The following FBXO8 variants were observed in gnomAD, a reference collection of about 807,000 sequenced individuals.
The protein encoded by FBXO8 is F-box protein 8, also known as F-box only protein 8.
A neutral mutation model predicts 33.4 loss-of-function variants in FBXO8; 15 were observed. The observed-to-expected ratio is 0.45, with a 90% CI of 0.30 to 0.69. The LOEUF (loss-of-function observed/expected upper bound fraction) is 0.69. FBXO8 is among the 30% of genes least tolerant of loss of function. FBXO8 has a pLI of 0.08. For missense variants in FBXO8, 274 were observed against 380.3 expected (o/e 0.72, Z 2.32); for synonymous variants, 132 against 131.5 (o/e 1.00, Z -0.02).
rs1204237226 is a variant in FBXO8, at chr4:174,251,600, T to C, written c.456+8099A>G. Reference sequence around the variant, plus strand: ...ATTAGATTAAAAAGAGATGGATACATACACACATACACACATGCATATCCA... The same window carrying C: ...ATTAGATTAAAAAGAGATGGATACACACACACATACACACATGCATATCCA... On this transcript the variant is annotated intron_variant, in intron 3 of 5. Transcript: ENST00000393674. The surrounding 1 kb of genome is among the most constrained non-coding windows in gnomAD (Gnocchi z 4.2). Among the ~76,000 whole-genome samples, 7 of 152,034 alleles carry C rather than the reference T, an allele frequency of 4.6e-5. No homozygotes were observed. The highest frequency in any genetic ancestry group is 7.4e-5 in the Non-Finnish European group (5 of 67,984).
In FBXO8 at chr4:174,259,164, ATAAT is replaced by A. The variant is rs201288284; in HGVS notation, c.456+531_456+534del. Among the ~76,000 whole-genome samples the A allele has an allele frequency of 0.012, 1,817 of 152,030 alleles. 19 individuals carry two copies. The highest frequency in any genetic ancestry group is 0.017 in the Non-Finnish European group (1,144 of 67,918). Reference sequence around the variant, plus strand: ...ACATGTTATGTTAAGAAAGAATTAAATAATTAATACAAAATTATTCAATTTTATA... The same window carrying A: ...ACATGTTATGTTAAGAAAGAATTAAATAATACAAAATTATTCAATTTTATA... On this transcript the variant is annotated intron_variant, in intron 3 of 5. Coordinates refer to ENST00000393674, the MANE Select transcript of FBXO8 (RefSeq NM_012180.3). This position sits in a 1 kb window ranked among gnomAD's most constrained non-coding sequence, Gnocchi z 4.3.
rs1736149142 is a variant in FBXO8, at chr4:174,245,996, A to G, written c.457-4778T>C. 6.6e-6 allele frequency among the ~76,000 whole-genome samples: 1 copy of G among 151,994 alleles called. No homozygotes were observed. On this transcript the variant is annotated intron_variant, in intron 3 of 5. Coordinates refer to ENST00000393674, the MANE Select transcript of FBXO8 (RefSeq NM_012180.3). This position sits in a 1 kb window ranked among gnomAD's most constrained non-coding sequence, Gnocchi z 4.6. ...TGTTGAATTTTAGGTGATGACAGAT[A>G]TAACTAGAAAGGCATAGTAGGCAGT...
chr4:174,238,759 G>GTA (rs34800396), intron 5 of FBXO8, among the ~76,000 whole-genome samples: 4,608 of 113,674 alleles, frequency 0.041, 83 homozygotes, highest in Non-Finnish European at 0.049. Flanking sequence ...ACATAGCCAT[G>GTA]TATATATATA....
intron 4 of FBXO8, among the ~76,000 whole-genome samples, chr4:174,240,381 C>T (rs1227205150): frequency 6.6e-6 from 1 of 151,688 alleles, no homozygotes; most frequent in Admixed American, 6.6e-5. Context: ...TTGAAAAATA[C>T]TGATATATAC....
In FBXO8 at chr4:174,254,767, T is replaced by C. The variant is rs991262519; in HGVS notation, c.456+4932A>G. Among the ~76,000 whole-genome samples, 2 of 152,128 alleles carry C rather than the reference T, an allele frequency of 1.3e-5. No homozygotes were observed. Among genetic ancestry groups the C allele is most frequent in the Non-Finnish European group, 2.9e-5 (2 of 68,000 alleles). On this transcript the variant is annotated intron_variant, in intron 3 of 5. Transcript: ENST00000393674. The surrounding 1 kb of genome is among the most constrained non-coding windows in gnomAD (Gnocchi z 4.2). ...TGTTTGTTTGTTTTGTAGTAAGTAC[T>C]ATCAGACCAAAGGAAAGAAAACAAT...
chr4:174,250,762 T>C (rs995216423), intron 3 of FBXO8, among the ~76,000 whole-genome samples: 1 of 152,124 alleles, frequency 6.6e-6, no homozygotes, highest in Non-Finnish European at 1.5e-5. Context: ...TGAGGAAATA[T>C]TATCCTTTGG....
In FBXO8 at chr4:174,267,377, T is replaced by C. The variant is rs1205697876; in HGVS notation, c.-8-4277A>G. Among the ~76,000 whole-genome samples the C allele has an allele frequency of 6.6e-6, 1 of 151,926 alleles. No individual in the cohort carries two copies. The highest frequency in any genetic ancestry group is 1.5e-5 in the Non-Finnish European group (1 of 67,966). ...CCAGACTGGGCAACATAGACCCCGTTTCAACAAAATACAAAAAAAGTTAGC... is the reference window on the plus strand; with the variant it reads ...CCAGACTGGGCAACATAGACCCCGTCTCAACAAAATACAAAAAAAGTTAGC... On this transcript the variant is annotated intron_variant, in intron 1 of 5. Coordinates refer to ENST00000393674, the MANE Select transcript of FBXO8 (RefSeq NM_012180.3). The surrounding 1 kb of genome is among the most constrained non-coding windows in gnomAD (Gnocchi z 4.7).
intron 1 of FBXO8, among the ~76,000 whole-genome samples, chr4:174,273,531 C>T (rs1341552280): frequency 6.6e-6 from 1 of 151,974 alleles, no homozygotes; most frequent in Non-Finnish European, 1.5e-5. Context: ...GTTAAATTTC[C>T]TAAACTTGAT....
rs1736804303 is a variant in FBXO8 at position 174,270,178 on chromosome 4, CTATTT to C, written c.-8-7083_-8-7079del. On this transcript the variant is annotated intron_variant, in intron 1 of 5. Transcript: ENST00000393674. This position sits in a 1 kb window ranked among gnomAD's most constrained non-coding sequence, Gnocchi z 4.6. ...ACATGCCACATTAGCCGAGACAGAGCTATTTTATTAAATTAATCTCATGTATAAGA... is the reference window on the plus strand; with the variant it reads ...ACATGCCACATTAGCCGAGACAGAGCTATTAAATTAATCTCATGTATAAGA... 6.6e-6 allele frequency among the ~76,000 whole-genome samples: 1 copy of C among 152,108 alleles called. No homozygotes were observed. Among genetic ancestry groups the C allele is most frequent in the African/African-American group, 2.4e-5 (1 of 41,410 alleles).
intron 1 of FBXO8, among the ~76,000 whole-genome samples, chr4:174,280,136 A>G (rs1004576358): frequency 6.6e-6 from 1 of 152,154 alleles, no homozygotes; most frequent in Non-Finnish European, 1.5e-5. Flanking sequence ...TAACTCCTTT[A>G]ACTCAACAAT....
chr4:174,282,796 A>G (rs1475024994), intron 1 of FBXO8, among the ~76,000 whole-genome samples: 2 of 152,186 alleles, frequency 1.3e-5, no homozygotes, highest in African/African-American at 4.8e-5. Flanking sequence ...ACAGAACCTA[A>G]AAATAAAACT....
At position 174,274,869 on chromosome 4, in the gene FBXO8, G is replaced by A. The variant is rs983162162; in HGVS notation, c.-9+8541C>T. Among the ~76,000 whole-genome samples the A allele has an allele frequency of 6.6e-6, 1 of 152,068 alleles. No individual in the cohort carries two copies. The highest frequency in any genetic ancestry group is 1.5e-5 in the Non-Finnish European group (1 of 68,014). On this transcript the variant is annotated intron_variant, in intron 1 of 5. Coordinates refer to ENST00000393674, the MANE Select transcript of FBXO8 (RefSeq NM_012180.3). This position sits in a 1 kb window ranked among gnomAD's most constrained non-coding sequence, Gnocchi z 4.0. ...AAAAATTTTAGAAAAATACATAGAAGGAAATCTTTGGGGTCTAAGGCTAGG... is the reference window on the plus strand; with the variant it reads ...AAAAATTTTAGAAAAATACATAGAAAGAAATCTTTGGGGTCTAAGGCTAGG...
At chr4:174,246,518 T>C (rs1736160049) in intron 3 of FBXO8, among the ~76,000 whole-genome samples, 3 of 152,000 alleles carry the variant, frequency 2.0e-5, no homozygotes, top group Non-Finnish European at 2.9e-5. Context: ...AAACTGAGTA[T>C]TGTCCACTCA....
At chr4:174,242,258 A>G (rs1185623824) in intron 3 of FBXO8, among the ~76,000 whole-genome samples, 1 of 151,610 alleles carries the variant, frequency 6.6e-6, no homozygotes, top group African/African-American at 2.4e-5. Flanking sequence ...ACACTTACAT[A>G]GTACTCAGAA....
In FBXO8 at chr4:174,257,666, T is replaced by C. The variant is rs2126431477; in HGVS notation, c.456+2033A>G. On this transcript the variant is annotated intron_variant, in intron 3 of 5. Coordinates refer to ENST00000393674, the MANE Select transcript of FBXO8 (RefSeq NM_012180.3). The surrounding 1 kb of genome is among the most constrained non-coding windows in gnomAD (Gnocchi z 4.3). ...GACTGATGCAAAATATATATCTTTA[T>C]TGTGACTATTATTAAGATCATTGAG... 6.6e-6 allele frequency among the ~76,000 whole-genome samples: 1 copy of C among 152,270 alleles called. No homozygotes were observed. The highest frequency in any genetic ancestry group is 2.1e-4 in the South Asian group (1 of 4,830).
rs892945546 is a variant in FBXO8, at chr4:174,267,047, T to A, written c.-8-3947A>T. ...TCTACACACAATTCACCTCCTTTAG[T>A]TATTTCATATTGTGACCATGTTTTT... On this transcript the variant is annotated intron_variant, in intron 1 of 5. Transcript: ENST00000393674. This position sits in a 1 kb window ranked among gnomAD's most constrained non-coding sequence, Gnocchi z 4.7. Among the ~76,000 whole-genome samples, 1 of 152,224 alleles carries A rather than the reference T, an allele frequency of 6.6e-6. No individual in the cohort carries two copies. The highest frequency in any genetic ancestry group is 2.4e-5 in the African/African-American group (1 of 41,470).
intron 3 of FBXO8, among the ~76,000 whole-genome samples, chr4:174,244,205 T>A (rs921699274): frequency 1.3e-5 from 2 of 151,614 alleles, no homozygotes; most frequent in Non-Finnish European, 3.0e-5. Flanking sequence ...CTTCCCAGAA[T>A]AATGCACATA....
intron 4 of FBXO8, among the ~76,000 whole-genome samples, chr4:174,240,314 C>T (rs1736003274): frequency 1.3e-5 from 2 of 151,604 alleles, no homozygotes; most frequent in African/African-American, 4.8e-5. Context: ...CTTAATCATC[C>T]GTGTGCTACT....
At position 174,254,194 on chromosome 4, in the gene FBXO8, C is replaced by G. The variant is rs1322188415; in HGVS notation, c.456+5505G>C. Among the ~76,000 whole-genome samples, 1 of 152,192 alleles carries G rather than the reference C, an allele frequency of 6.6e-6. No individual in the cohort carries two copies. The highest frequency in any genetic ancestry group is 1.5e-5 in the Non-Finnish European group (1 of 68,030). On this transcript the variant is annotated intron_variant, in intron 3 of 5. Transcript: ENST00000393674. This position sits in a 1 kb window ranked among gnomAD's most constrained non-coding sequence, Gnocchi z 4.2. The stretch of plus-strand genomic sequence containing the variant: ...AGAACTCAATTCTTCCTAGCTAGAT[C>G]TTAGTTTATATCACAGCCAAGAATT...
Sources: gnomAD v4.1 joint callset for allele counts (sites outside exome capture counted in the v4.1 genomes callset) on GRCh38, gnomAD v4.1.1 for gene constraint, Gnocchi (gnomAD v3.1) non-coding constraint, MANE v1.5 for transcripts, NCBI Gene and HGNC (gene_info 2026-07-23, HGNC 2026-07-21) for gene names.